Variants in PLCB1 observed in about 807,000 individuals in gnomAD.
PLCB1 encodes the protein phospholipase C beta 1, also known as 1-phosphatidylinositol 4,5-bisphosphate phosphodiesterase beta-1.
A neutral mutation model predicts 161.8 loss-of-function variants in PLCB1; 46 were observed. The ratio of observed to expected loss-of-function variants is 0.28; its 90% CI spans 0.22 to 0.36. The LOEUF is 0.36. Ranked by LOEUF, PLCB1 falls within the 10% of genes least tolerant of loss-of-function variation. PLCB1 has a pLI of 1.00. For missense variants in PLCB1, 1,016 were observed against 1,472.5 expected, an observed-to-expected ratio of 0.69 and a Z score of 5.07; for synonymous variants, 517 against 503.7, an observed-to-expected ratio of 1.03 and a Z score of -0.35.
At chr20:8,763,843 A>G (rs919452934) in intron 25 of PLCB1, among the ~76,000 whole-genome samples, 3 of 151,996 alleles carry the variant, frequency 2.0e-5, no homozygotes. Context: ...GTCAGACTCT[A>G]TCACATTCAA....
chr20:8,253,642 G>C (rs1171692047), intron 2 of PLCB1, among the ~76,000 whole-genome samples: 1 of 151,998 alleles, frequency 6.6e-6, no homozygotes, highest in East Asian at 1.9e-4. Context: ...TTTTATTTTA[G>C]ATACAGGGAG....
intron 3 of PLCB1, among the ~76,000 whole-genome samples, chr20:8,520,269 C>T (rs939567717): frequency 6.6e-6 from 1 of 152,126 alleles, no homozygotes; most frequent in East Asian, 1.9e-4. Flanking sequence ...CAGAATATCC[C>T]ATTGGTTAAT....
At chr20:8,702,139 C>T (rs1470929145) in intron 11 of PLCB1, among the ~76,000 whole-genome samples, 1 of 152,164 alleles carries the variant, frequency 6.6e-6, no homozygotes, top group African/African-American at 2.4e-5. Flanking sequence ...TAAAAAGTTA[C>T]GTTCTGGGAA....
chr20:8,371,474 G>T (rs374730353), intron 3 of PLCB1, 24 bp downstream of exon 3: 340 of 1,509,594 alleles, frequency 2.3e-4, no homozygotes, highest in Admixed American at 5.7e-4. Context: ...TGTTGTGCAT[G>T]CACCAGATGC....
chr20:8,866,630 A>G (rs1987437570), intron 31 of PLCB1, among the ~76,000 whole-genome samples: 1 of 152,146 alleles, frequency 6.6e-6, no homozygotes, highest in African/African-American at 2.4e-5. Context: ...AGAACTAGTT[A>G]GTAGTAATCT....
At chr20:8,437,610 A>G (rs1275531779) in intron 3 of PLCB1, among the ~76,000 whole-genome samples, 1 of 152,118 alleles carries the variant, frequency 6.6e-6, no homozygotes, top group Non-Finnish European at 1.5e-5. Context: ...TGTTTTTACC[A>G]TCTATTTGTT....
intron 27 of PLCB1, among the ~76,000 whole-genome samples, chr20:8,777,823 CTTAAACTT>C (rs1983019400): frequency 6.6e-6 from 1 of 152,002 alleles, no homozygotes. Context: ...TTTAACTGGA[CTTAAACTT>C]CACCGTGACT....
intron 9 of PLCB1, among the ~76,000 whole-genome samples, chr20:8,664,904 G>A (rs1989771232): frequency 6.6e-6 from 1 of 152,034 alleles, no homozygotes; most frequent in African/African-American, 2.4e-5. Context: ...CAGAATCCAG[G>A]GCATGGCTTC....
intron 31 of PLCB1, among the ~76,000 whole-genome samples, chr20:8,827,680 T>C (rs1367524911): frequency 1.3e-5 from 2 of 152,224 alleles, no homozygotes; most frequent in South Asian, 2.1e-4. Flanking sequence ...TTCTATTGAA[T>C]AGTGCCAAAC....
intron 3 of PLCB1, 45 bp from the exon 4 acceptor site, chr20:8,628,249 G>A (rs769201523): frequency 1.4e-6 from 2 of 1,443,232 alleles, no homozygotes; most frequent in Admixed American, 3.4e-5. Context: ...TATCACGTTG[G>A]AATCTCTAGT....
chr20:8,774,762 C>G, intron 27 of PLCB1, 43 bp downstream of exon 27: 1 of 1,511,566 alleles, frequency 6.6e-7, no homozygotes, highest in South Asian at 1.2e-5. Context: ...AACTGGAACT[C>G]CCTTATAGGA....
intron 2 of PLCB1, among the ~76,000 whole-genome samples, chr20:8,202,539 A>G (rs1978324917): frequency 6.6e-6 from 1 of 152,232 alleles, no homozygotes; most frequent in South Asian, 2.1e-4. Flanking sequence ...GTGGATATTT[A>G]TGACAGATAG....
intron 19 of PLCB1, among the ~76,000 whole-genome samples, chr20:8,736,089 G>A (rs938661148): frequency 2.6e-5 from 4 of 152,192 alleles, no homozygotes; most frequent in African/African-American, 9.7e-5. Context: ...AGCTCAGAAA[G>A]TTCTTGACCA....
At chr20:8,327,565 T>C (rs942026568) in intron 2 of PLCB1, among the ~76,000 whole-genome samples, 1 of 152,184 alleles carries the variant, frequency 6.6e-6, no homozygotes, top group Admixed American at 6.5e-5. Flanking sequence ...AACCTGGGTA[T>C]TGGAAAACAG....
intron 26 of PLCB1, among the ~76,000 whole-genome samples, chr20:8,772,024 C>T (rs929492340): frequency 2.7e-5 from 4 of 150,506 alleles, no homozygotes; most frequent in Admixed American, 2.7e-4. Context: ...TGGAACTAGT[C>T]GCATGCCACT....
chr20:8,810,503 A>T (rs1173189916), intron 31 of PLCB1, among the ~76,000 whole-genome samples: 1 of 152,150 alleles, frequency 6.6e-6, no homozygotes, highest in Non-Finnish European at 1.5e-5. Flanking sequence ...TCCAAGGGAA[A>T]TTTATGTGCC....
intron 2 of PLCB1, among the ~76,000 whole-genome samples, chr20:8,258,138 A>C (rs1981518263): frequency 6.6e-6 from 1 of 152,216 alleles, no homozygotes; most frequent in Non-Finnish European, 1.5e-5. Context: ...TTTTAAAAAG[A>C]AACATTATAT....
At chr20:8,152,637 C>CA (rs377465640) in intron 2 of PLCB1, among the ~76,000 whole-genome samples, 2,992 of 147,316 alleles carry the variant, frequency 0.02, 102 homozygotes, top group African/African-American at 0.066. Flanking sequence ...TCTCAGAAAA[C>CA]AAAAAAAAAA....
chr20:8,504,123 T>C (rs1983534380), intron 3 of PLCB1, among the ~76,000 whole-genome samples: 1 of 152,134 alleles, frequency 6.6e-6, no homozygotes, highest in Admixed American at 6.6e-5. Context: ...AGAAAAACAA[T>C]GTATTTCTCA....
Sources: allele counts gnomAD v4.1 joint callset (sites outside exome capture counted in the v4.1 genomes callset), GRCh38; gene constraint gnomAD v4.1.1; transcripts MANE v1.5; gene names NCBI Gene and HGNC (gene_info 2026-07-23, HGNC 2026-07-21).